The following AOPEP variants were observed in gnomAD, a reference collection of about 807,000 sequenced individuals.
AOPEP encodes the protein aminopeptidase O (putative), also known as aminopeptidase O.
AOPEP carries 77 observed loss-of-function variants against 98.1 expected under a neutral mutation model. The observed-to-expected ratio is 0.78, with a 90% CI of 0.65 to 0.95. AOPEP has a LOEUF of 0.95. Among genes scored for constraint, AOPEP ranks in the 40% least tolerant of loss-of-function variants. The pLI is 0.00. For synonymous variants in AOPEP, 346 were observed against 365.3 expected (o/e 0.95, Z 0.60); for missense variants, 1,024 against 1,024.7 (o/e 1.00, Z 0.01).
the AOPEP span, chr9:95,117,233 AG>A: frequency 8.4e-7 from 1 of 1,193,578 alleles, no homozygotes; most frequent in Non-Finnish European, 1.2e-6. Context: ...GCTGTAGATA[AG>A]GGCCTGATGA....
At chr9:94,920,149 C>A (rs1173205315) in intron 5 of AOPEP, 1 of 152,174 alleles carries the variant, frequency 6.6e-6, no homozygotes, top group African/African-American at 2.4e-5. Context: ...TATGAAGAAA[C>A]CCCATCTCTA....
intron 1 of AOPEP, among the ~76,000 whole-genome samples, chr9:94,748,944 A>AT (rs1190878114): frequency 2.6e-5 from 4 of 152,078 alleles, no homozygotes; most frequent in Non-Finnish European, 5.9e-5. Context: ...TAAACATAAT[A>AT]TTTTTTCTTT....
chr9:95,067,836 C>T (rs566080305), intron 14 of AOPEP, among the ~76,000 whole-genome samples: 4 of 152,200 alleles, frequency 2.6e-5, no homozygotes, highest in Non-Finnish European at 4.4e-5. Context: ...TACCCTTTGG[C>T]TGTCATCCCT....
At chr9:94,908,373 C>T (rs1398652452) in intron 5 of AOPEP, among the ~76,000 whole-genome samples, 1 of 152,128 alleles carries the variant, frequency 6.6e-6, no homozygotes, top group Non-Finnish European at 1.5e-5. Context: ...CTTGTTGGCC[C>T]CTCACCAATA....
chr9:94,841,822 C>T (rs1232628630), intron 5 of AOPEP, among the ~76,000 whole-genome samples: 1 of 152,054 alleles, frequency 6.6e-6, no homozygotes, highest in Non-Finnish European at 1.5e-5. Flanking sequence ...GAGGTCAAGG[C>T]AGGAGGACTG....
At chr9:94,959,066 T>C (rs111266238) in intron 9 of AOPEP, among the ~76,000 whole-genome samples, 4,074 of 151,696 alleles carry the variant, frequency 0.027, 207 homozygotes, top group African/African-American at 0.094. Context: ...TTTTTTGAAA[T>C]GGAGTCTCGC....
the AOPEP span, among the ~76,000 whole-genome samples, chr9:95,105,781 A>G: frequency 1.3e-5 from 2 of 152,352 alleles, no homozygotes; most frequent in Non-Finnish European, 2.9e-5. Context: ...TTCCAGGTTC[A>G]TTCATGTTGT....
At chr9:95,000,513 G>C (rs2061494612) in intron 11 of AOPEP, among the ~76,000 whole-genome samples, 2 of 152,128 alleles carry the variant, frequency 1.3e-5, no homozygotes, top group African/African-American at 4.8e-5. Context: ...TTTGAGACCA[G>C]CCTGGCCAAC....
intron 1 of AOPEP, among the ~76,000 whole-genome samples, chr9:94,730,431 G>T (rs1310263901): frequency 3.3e-5 from 5 of 152,150 alleles, no homozygotes; most frequent in African/African-American, 1.2e-4. Context: ...CCTAACAGCA[G>T]TGATTATTTC....
chr9:95,001,283 C>A (rs2061542986), intron 11 of AOPEP, among the ~76,000 whole-genome samples: 2 of 152,228 alleles, frequency 1.3e-5, no homozygotes, highest in Non-Finnish European at 2.9e-5. Context: ...ATGGTATTTT[C>A]CTCAGCCTCG....
At chr9:94,820,900 T>G (rs886879941) in intron 5 of AOPEP, among the ~76,000 whole-genome samples, 1 of 152,220 alleles carries the variant, frequency 6.6e-6, no homozygotes, top group East Asian at 1.9e-4. Context: ...TTGGTGAAGA[T>G]CTTGCTTATT....
chr9:94,851,618 C>T (rs1455610251), intron 5 of AOPEP, among the ~76,000 whole-genome samples: 3 of 151,626 alleles, frequency 2.0e-5, no homozygotes, highest in Admixed American at 2.0e-4. Context: ...TCTGTTGGCA[C>T]TTACTTCACT....
chr9:94,953,665 C>T (rs2058263351), intron 7 of AOPEP, among the ~76,000 whole-genome samples: 1 of 152,096 alleles, frequency 6.6e-6, no homozygotes, highest in Non-Finnish European at 1.5e-5. Flanking sequence ...TAAACTAGGT[C>T]TCATATTCCA....
At chr9:94,982,058 C>G (rs1286213999) in intron 11 of AOPEP, among the ~76,000 whole-genome samples, 1 of 152,156 alleles carries the variant, frequency 6.6e-6, no homozygotes, top group Non-Finnish European at 1.5e-5. Context: ...TATCCCAACT[C>G]TATAACCTCT....
At chr9:94,843,673 C>G (rs1326240373) in intron 5 of AOPEP, among the ~76,000 whole-genome samples, 3 of 152,190 alleles carry the variant, frequency 2.0e-5, no homozygotes. Flanking sequence ...TAAACTCATT[C>G]CATTTAACCC....
chr9:94,979,293 A>C, intron 10 of AOPEP, 74 bp from the exon 11 acceptor site: 1 of 939,082 alleles, frequency 1.1e-6, no homozygotes, highest in Non-Finnish European at 1.7e-6. Flanking sequence ...GTACCCAGTT[A>C]GAGAGAACCA....
At chr9:94,836,052 G>A (rs1000234813) in intron 5 of AOPEP, among the ~76,000 whole-genome samples, 36 of 151,308 alleles carry the variant, frequency 2.4e-4, no homozygotes, top group African/African-American at 8.3e-4. Context: ...TGATCAGATT[G>A]CCTGAATTTG....
At chr9:95,092,573 T>G in the AOPEP span, among the ~76,000 whole-genome samples, 1 of 152,182 alleles carries the variant, frequency 6.6e-6, no homozygotes, top group African/African-American at 2.4e-5. Flanking sequence ...TCTTAAGCTT[T>G]CTTTGTGCTC....
Position 94,955,299 on chromosome 9 carries a change from A to C in AOPEP, c.1764+20A>C, listed in dbSNP as rs1353436719. The C allele has an allele frequency of 6.6e-7, 1 of 1,518,826 alleles. No individual in the cohort carries two copies. The highest frequency in any genetic ancestry group is 2.2e-5 in the East Asian group (1 of 44,448). 94.1% of individuals were successfully genotyped at this position (1,518,826 alleles called of 1,614,324 possible). The stretch of plus-strand genomic sequence containing the variant: ...TTAAAGGTAAGCACATGTCAGTTGC[A>C]GAAGCCAGTGATTGTGGTGCAGCAC... On this transcript the variant is annotated intron_variant, in intron 8 of 16. Coordinates refer to ENST00000375315, the MANE Select transcript of AOPEP (RefSeq NM_001193329.3).
Sources: gnomAD v4.1 joint callset for allele counts (sites outside exome capture counted in the v4.1 genomes callset) on GRCh38, gnomAD v4.1.1 for gene constraint, MANE v1.5 for transcripts, NCBI Gene and HGNC (gene_info 2026-07-23, HGNC 2026-07-21) for gene names.